Variants in CFAP43 observed in about 807,000 individuals in gnomAD.
The protein encoded by CFAP43 is cilia and flagella associated protein 43, also known as cilia- and flagella-associated protein 43.
In CFAP43, 155 loss-of-function variants were observed where a neutral mutation model predicts 218.9. The ratio of observed to expected loss-of-function variants is 0.71; its 90% CI spans 0.62 to 0.81. The LOEUF (loss-of-function observed/expected upper bound fraction) is 0.81. CFAP43 is among the 30% of genes least tolerant of loss of function. The probability of loss-of-function intolerance (pLI) is 0.00; values close to 1 mark genes in which losing one functional copy is unlikely to be tolerated. For missense variants in CFAP43, 1,778 were observed against 1,954.3 expected, an observed-to-expected ratio of 0.91 and a Z score of 1.70; for synonymous variants, 645 against 681.3, an observed-to-expected ratio of 0.95 and a Z score of 0.83.
intron 21 of CFAP43, among the ~76,000 whole-genome samples, chr10:104,168,033 G>C (rs1209838511): frequency 2.0e-5 from 3 of 151,924 alleles, no homozygotes; most frequent in Admixed American, 1.3e-4. Flanking sequence ...AAGACATTTG[G>C]CAACTTTTTT....
intron 18 of CFAP43, 75 bp downstream of exon 18, chr10:104,179,754 CTTTCCAGTAGG>C: frequency 9.7e-7 from 1 of 1,034,298 alleles, no homozygotes; most frequent in African/African-American, 1.6e-5. Flanking sequence ...CATCTTCTAA[CTTTCCAGTAGG>C]TTTCCATAGG....
At chr10:104,224,187 G>A (rs1411740520) in intron 3 of CFAP43, among the ~76,000 whole-genome samples, 1 of 152,000 alleles carries the variant, frequency 6.6e-6, no homozygotes, top group African/African-American at 2.4e-5. Context: ...GAGACTACAG[G>A]TACCTGCCAC....
At chr10:104,163,207 A>G (rs1433123023) in intron 24 of CFAP43, among the ~76,000 whole-genome samples, 1 of 152,170 alleles carries the variant, frequency 6.6e-6, no homozygotes, top group Non-Finnish European at 1.5e-5. Flanking sequence ...TGGTCAAACT[A>G]CTCAAACTCT....
chr10:104,194,599 G>T (rs1010960311), intron 10 of CFAP43, among the ~76,000 whole-genome samples: 1 of 152,084 alleles, frequency 6.6e-6, no homozygotes, highest in Non-Finnish European at 1.5e-5. Flanking sequence ...GAAAATAACT[G>T]TATCACCGGA....
At chr10:104,216,185 T>A (rs993758313) in intron 3 of CFAP43, among the ~76,000 whole-genome samples, 3 of 152,198 alleles carry the variant, frequency 2.0e-5, no homozygotes, top group Non-Finnish European at 4.4e-5. Context: ...CTGCATCCTG[T>A]CACCACCATT....
At chr10:104,205,875 TA>T in intron 7 of CFAP43, 87 bp downstream of exon 7, 1 of 1,131,800 alleles carries the variant, frequency 8.8e-7, no homozygotes, top group Non-Finnish European at 1.3e-6. Context: ...TCTGACATCC[TA>T]AAATATGGCT....
chr10:104,179,956 GAC>G (rs755550933), intron 17 of CFAP43, 24 bp from the exon 18 acceptor site: 4 of 1,572,630 alleles, frequency 2.5e-6, no homozygotes, highest in Non-Finnish European at 3.5e-6. Flanking sequence ...GAAAAAGACA[GAC>G]ATGTCTTAAA....
At position 104,164,307 on chromosome 10, in the gene CFAP43, T is replaced by C; in HGVS notation, c.3040-7A>G. ...TTACCTTGTAAATGATATCCTGAAATATTAACATGTTACTGAAAACACATC... is the reference window on the plus strand; with the variant it reads ...TTACCTTGTAAATGATATCCTGAAACATTAACATGTTACTGAAAACACATC... On this transcript the variant is annotated splice_polypyrimidine_tract_variant and splice_region_variant and intron_variant, in intron 23 of 37. Transcript: ENST00000357060. 6.4e-7 allele frequency: 1 copy of C among 1,551,424 alleles called. No individual in the cohort carries two copies. Among genetic ancestry groups the C allele is most frequent in the Non-Finnish European group, 8.8e-7 (1 of 1,134,504 alleles).
chr10:104,227,756 T>C (rs1052968485), intron 2 of CFAP43, among the ~76,000 whole-genome samples: 6 of 152,040 alleles, frequency 3.9e-5, no homozygotes, highest in African/African-American at 1.4e-4. Flanking sequence ...CAAATATGTC[T>C]GTCTTTTCTA....
At position 104,131,425 on chromosome 10, in the gene CFAP43, G is replaced by C. The variant is rs901615920; in HGVS notation, c.4737C>G (p.Ser1579Arg). ...CATAATTTGCTATATCTTTTTGATTGCTGAACTTTCCAAGTTTTTTGAGTA... is the reference window on the plus strand; with the variant it reads ...CATAATTTGCTATATCTTTTTGATTCCTGAACTTTCCAAGTTTTTTGAGTA... ...KKLLKKLGKF[S>R]NQKDIANYAL... is the part of the protein sequence containing the mutation. The change falls in exon 37 of 38, where the codon AGC (serine) becomes AGG (arginine). Residue 1579 changes from serine (S) to arginine (R), a missense_variant. Ser to Arg is a moderately radical substitution (Grantham distance 110). Around this residue, in one of 3 missense-constraint regions of CFAP43, gnomAD observed 211 missense variants for 230.6 expected, o/e 0.91. Coordinates refer to ENST00000357060, the MANE Select transcript of CFAP43 (RefSeq NM_025145.7). The C allele has an allele frequency of 6.2e-7, 1 of 1,613,538 alleles. No homozygotes were observed. Among genetic ancestry groups the C allele is most frequent in the Non-Finnish European group, 8.5e-7 (1 of 1,179,852 alleles).
rs68153454 is a variant in CFAP43 at position 104,210,783 on chromosome 10, CTTTT to C, written c.735+1220_735+1223del. Among the ~76,000 whole-genome samples the C allele has an allele frequency of 8.0e-5, 6 of 75,450 alleles. No individual in the cohort carries two copies. In the South Asian group the frequency reaches 2.4e-3, roughly 30 times the overall value. The allele number at this position is 75,450 out of a possible 152,430, so 49.5% of individuals were successfully genotyped here. ...TGCAGGTCCTTCCACGTGAAACACT[CTTTT>C]TTTTTTTTTTTTTTTTTTTTTGAGA... On this transcript the variant is annotated intron_variant, in intron 5 of 37. Transcript: ENST00000357060.
intron 19 of CFAP43, among the ~76,000 whole-genome samples, chr10:104,178,608 T>C (rs1670075983): frequency 6.6e-6 from 1 of 151,988 alleles, no homozygotes; most frequent in African/African-American, 2.4e-5. Flanking sequence ...AACAACAGTA[T>C]TAAGAAGACT....
chr10:104,187,303 C>A lies in CFAP43; in HGVS notation c.1860+17G>T. 1.3e-6 allele frequency: 2 copies of A among 1,586,126 alleles called. No individual in the cohort carries two copies. The highest frequency in any genetic ancestry group is 1.7e-6 in the Non-Finnish European group (2 of 1,169,908). Reference sequence around the variant, plus strand: ...GATTGCTAAGATAAATGAGAGCACACTTAAGTGTTGACATACTTCTTCAGG... The same window carrying A: ...GATTGCTAAGATAAATGAGAGCACAATTAAGTGTTGACATACTTCTTCAGG... On this transcript the variant is annotated intron_variant, in intron 14 of 37. Transcript: ENST00000357060.
At chr10:104,138,302 AACTG>A (rs1250236795) in intron 34 of CFAP43, among the ~76,000 whole-genome samples, 3 of 152,232 alleles carry the variant, frequency 2.0e-5, no homozygotes, top group Non-Finnish European at 2.9e-5. Flanking sequence ...TCCACAAAAT[AACTG>A]ACTATTACTC....
Position 104,205,214 on chromosome 10 carries a change from A to G in CFAP43, c.963+749T>C, listed in dbSNP as rs1222864280. ...GGAGACAGAGCGAGACTCCGTCTCA[A>G]AAAAAAAAAAAAAAAAAAAAAGAAA... On this transcript the variant is annotated intron_variant, in intron 7 of 37. Transcript: ENST00000357060. Among the ~76,000 whole-genome samples, 3 of 131,558 alleles carry G rather than the reference A, an allele frequency of 2.3e-5. No individual in the cohort carries two copies. The East Asian group carries it at 7.6e-4, about 33-fold the overall frequency. 86.3% of individuals were successfully genotyped at this position (131,558 alleles called of 152,430 possible).
chr10:104,169,570 G>T (rs1215597673), intron 20 of CFAP43, among the ~76,000 whole-genome samples: 1 of 151,794 alleles, frequency 6.6e-6, no homozygotes, highest in Non-Finnish European at 1.5e-5. Context: ...GTGAAAGTGA[G>T]ATCTAACAAT....
chr10:104,216,292 A>G (rs1463409271), intron 3 of CFAP43, among the ~76,000 whole-genome samples: 1 of 152,154 alleles, frequency 6.6e-6, no homozygotes, highest in Non-Finnish European at 1.5e-5. Context: ...AGAACTGGGC[A>G]CTGTTCACCA....
chr10:104,223,067 G>A (rs917593295), intron 3 of CFAP43, among the ~76,000 whole-genome samples: 2 of 152,168 alleles, frequency 1.3e-5, no homozygotes, highest in African/African-American at 2.4e-5. Flanking sequence ...AAATAAACAT[G>A]TTCCAACAAA....
intron 3 of CFAP43, among the ~76,000 whole-genome samples, 183 bp from the exon 4 acceptor site, chr10:104,214,609 CA>C (rs1168042162): frequency 1.3e-5 from 2 of 151,866 alleles, no homozygotes; most frequent in South Asian, 2.1e-4. Flanking sequence ...CCTAAGAAAG[CA>C]AAAAAACTAT....
Sources: gnomAD v4.1 joint callset for allele counts (sites outside exome capture counted in the v4.1 genomes callset) on GRCh38, gnomAD v4.1.1 for gene constraint, gnomAD v4.1.1 regional missense constraint, MANE v1.5 for transcripts, NCBI Gene and HGNC (gene_info 2026-07-23, HGNC 2026-07-21) for gene names.